KALRN: variants seen among roughly 807,000 people sequenced by gnomAD.
KALRN encodes kalirin RhoGEF kinase.
KALRN carries 70 observed loss-of-function variants against 353.7 expected under a neutral mutation model. That is an observed-to-expected ratio of 0.20 (90% CI 0.16 to 0.24). The LOEUF (loss-of-function observed/expected upper bound fraction) is 0.24. Ranked by LOEUF, KALRN falls within the 10% of genes least tolerant of loss-of-function variation. The probability of loss-of-function intolerance (pLI) is 1.00; values close to 1 mark genes in which losing one functional copy is unlikely to be tolerated. For synonymous variants in KALRN, 1,391 were observed against 1,434.8 expected, an observed-to-expected ratio of 0.97 and a Z score of 0.69; for missense variants, 2,791 against 3,756.7, an observed-to-expected ratio of 0.74 and a Z score of 6.72.
chr3:124,690,298 GTAAT>G (rs2061749061), intron 51 of KALRN, among the ~76,000 whole-genome samples: 1 of 152,186 alleles, frequency 6.6e-6, no homozygotes, highest in Non-Finnish European at 1.5e-5. Flanking sequence ...AAATATATCG[GTAAT>G]TAGTCTACTG....
In KALRN at chr3:124,349,282, G is replaced by A. The variant is rs191350251; in HGVS notation, c.1770+2017G>A. ...TACCTAGAGTAGTGAAATTCATGGA[G>A]ATGGAAAGTAGAATGGTGGTTGTCA... On this transcript the variant is annotated intron_variant, in intron 10 of 59. Transcript: ENST00000682506. Among the ~76,000 whole-genome samples the A allele has an allele frequency of 2.9e-3, 448 of 152,308 alleles. 3 individuals carry two copies. The highest frequency in any genetic ancestry group is 4.4e-3 in the Non-Finnish European group (296 of 68,012).
intron 6 of KALRN, among the ~76,000 whole-genome samples, chr3:124,317,436 T>C (rs1375169166): frequency 6.6e-6 from 1 of 152,184 alleles, no homozygotes; most frequent in East Asian, 1.9e-4. Flanking sequence ...AATGTGTTTG[T>C]ACATTTTAAG....
chr3:124,400,328 C>T (rs770954892), intron 13 of KALRN, among the ~76,000 whole-genome samples: 2 of 152,164 alleles, frequency 1.3e-5, no homozygotes, highest in African/African-American at 2.4e-5. Flanking sequence ...ACAAGCACAT[C>T]TGTACTCCTG....
At position 124,719,730 on chromosome 3, in the gene KALRN, G is replaced by T. The variant is rs1033575157; in HGVS notation, c.*260G>T. The stretch of plus-strand genomic sequence containing the variant: ...CAGAAGTGTTCAGAAGAAGGGCAAA[G>T]ATAAGAACAATATTAGCTGTTACGA... On this transcript the variant is annotated 3_prime_UTR_variant, in exon 60 of 60. Transcript: ENST00000682506. The surrounding 1 kb of genome is among the most constrained non-coding windows in gnomAD (Gnocchi z 5.3). The T allele has an allele frequency of 4.9e-6, 2 of 406,782 alleles. No individual in the cohort carries two copies. Among genetic ancestry groups the T allele is most frequent in the Non-Finnish European group, 8.9e-6 (2 of 224,816 alleles). 25.2% of individuals were successfully genotyped at this position (406,782 alleles called of 1,614,324 possible). A position where few individuals can be genotyped will look rare whatever the true frequency, so the allele number is the denominator to read the frequency against.
intron 1 of KALRN, among the ~76,000 whole-genome samples, chr3:124,199,637 A>G (rs2075776141): frequency 6.6e-6 from 1 of 152,240 alleles, no homozygotes; most frequent in African/African-American, 2.4e-5. Context: ...CTTAAAGAGT[A>G]AAGGATCTTG....
At chr3:124,339,668 T>C (rs2081488400) in intron 9 of KALRN, among the ~76,000 whole-genome samples, 1 of 152,154 alleles carries the variant, frequency 6.6e-6, no homozygotes, top group Non-Finnish European at 1.5e-5. Context: ...CTGTGTGTAC[T>C]TGAACCTTTA....
At chr3:124,430,017 A>C (rs564304535) in intron 15 of KALRN, among the ~76,000 whole-genome samples, 4 of 152,346 alleles carry the variant, frequency 2.6e-5, no homozygotes, top group Non-Finnish European at 4.4e-5. Context: ...AAACTACACC[A>C]CACCCATTAT....
intron 5 of KALRN, among the ~76,000 whole-genome samples, chr3:124,285,767 C>G (rs929925555): frequency 1.3e-5 from 2 of 152,178 alleles, no homozygotes; most frequent in Non-Finnish European, 2.9e-5. Context: ...AACTCCTGAC[C>G]TCAGATGATC....
At chr3:124,222,367 G>C (rs2078011655) in intron 1 of KALRN, among the ~76,000 whole-genome samples, 1 of 152,142 alleles carries the variant, frequency 6.6e-6, no homozygotes, top group Non-Finnish European at 1.5e-5. Flanking sequence ...GATGATTATA[G>C]GGTAATGGCT....
chr3:124,368,167 A>G (rs1484400955), intron 10 of KALRN, among the ~76,000 whole-genome samples: 14 of 61,710 alleles, frequency 2.3e-4, no homozygotes, highest in Admixed American at 1.8e-3. Context: ...CCTCCCGGAC[A>G]GCACGGCTGG....
rs3054177 is a variant in KALRN, at chr3:124,265,298, C to CTTTTTTTTTTTTTTTTTTTTTTTTTTTT, written c.456+622_456+623insTTTTTTTTTTTTTTTTTTTTTTTTTTTT. ...CTAGTAACTAATTTAAGAAAATATT[C>CTTTTTTTTTTTTTTTTTTTTTTTTTTTT]TTTTTTTTTTTTTTGAGATAGAGTC... On this transcript the variant is annotated intron_variant, in intron 4 of 59. Transcript: ENST00000682506. 8.1e-4 allele frequency among the ~76,000 whole-genome samples: 59 copies of CTTTTTTTTTTTTTTTTTTTTTTTTTTTT among 73,098 alleles called. 16 individuals carry two copies. The highest frequency in any genetic ancestry group is 1.8e-3 in the African/African-American group (33 of 18,674). The allele number at this position is 73,098 out of a possible 152,430, so 48.0% of individuals were successfully genotyped here.
At chr3:124,627,526 C>T (rs561453018) in intron 34 of KALRN, among the ~76,000 whole-genome samples, 40 of 152,326 alleles carry the variant, frequency 2.6e-4, no homozygotes, top group Non-Finnish European at 4.7e-4. Flanking sequence ...TCATCTGTCT[C>T]GCCTGGTAAC....
chr3:124,536,637 T>G (rs1346987903), intron 33 of KALRN, among the ~76,000 whole-genome samples: 1 of 152,256 alleles, frequency 6.6e-6, no homozygotes, highest in African/African-American at 2.4e-5. Context: ...AGAGTATTAA[T>G]GTATAGCAAA....
Position 124,335,710 on chromosome 3 carries a change from G to A in KALRN, c.1647+1215G>A, listed in dbSNP as rs140347721. ...CTGCAGAGAAGCTGCTCGGGTGGACGCACTCGTGTTCAAACACCTGTTTGA... is the reference window on the plus strand; with the variant it reads ...CTGCAGAGAAGCTGCTCGGGTGGACACACTCGTGTTCAAACACCTGTTTGA... On this transcript the variant is annotated intron_variant, in intron 9 of 59. Coordinates refer to ENST00000682506, the MANE Select transcript of KALRN (RefSeq NM_001388419.1). Among the ~76,000 whole-genome samples the A allele has an allele frequency of 1.3e-3, 205 of 152,170 alleles. No homozygotes were observed. The East Asian group carries it at 0.016, about 12-fold the overall frequency.
chr3:124,429,820 T>C (rs2093191764), intron 15 of KALRN, among the ~76,000 whole-genome samples: 1 of 152,242 alleles, frequency 6.6e-6, no homozygotes, highest in African/African-American at 2.4e-5. Flanking sequence ...TATAGCTTAC[T>C]CCCCTTTTCC....
chr3:124,665,720 C>A (rs1377215142), intron 45 of KALRN, among the ~76,000 whole-genome samples: 2 of 152,204 alleles, frequency 1.3e-5, no homozygotes, highest in African/African-American at 4.8e-5. Flanking sequence ...CTGGCTTGGC[C>A]TCCCAAAGTT....
chr3:124,493,706 T>G (rs1577402889), intron 32 of KALRN, among the ~76,000 whole-genome samples: 1 of 152,146 alleles, frequency 6.6e-6, no homozygotes, highest in East Asian at 1.9e-4. Context: ...ACAAGCAGGG[T>G]AGGGAGCCAT....
At chr3:124,651,679 C>T (rs13067579) in intron 38 of KALRN, among the ~76,000 whole-genome samples, 22,578 of 150,000 alleles carry the variant, frequency 0.15, 1,980 homozygotes, top group East Asian at 0.34. Context: ...GCTTGGTCAC[C>T]CAGACTAAAG....
At chr3:124,718,272 C>T (rs1341014057) in intron 59 of KALRN, among the ~76,000 whole-genome samples, 1 of 151,974 alleles carries the variant, frequency 6.6e-6, no homozygotes, top group Non-Finnish European at 1.5e-5. Flanking sequence ...AGGCGCCCAC[C>T]ACCATGCCTG....
Sources: allele counts gnomAD v4.1 joint callset (sites outside exome capture counted in the v4.1 genomes callset), GRCh38; gene constraint gnomAD v4.1.1; non-coding constraint Gnocchi (gnomAD v3.1); transcripts MANE v1.5; gene names NCBI Gene and HGNC (gene_info 2026-07-23, HGNC 2026-07-21).